The following PID1 variants were observed in gnomAD, a reference collection of about 807,000 sequenced individuals.
PID1 encodes the protein phosphotyrosine interaction domain containing 1.
Under a neutral mutation model 19.1 loss-of-function variants are expected in PID1, and 10 were observed. The observed-to-expected ratio is 0.52, with a 90% CI of 0.32 to 0.89. PID1 has a LOEUF of 0.89. Ranked by LOEUF, PID1 falls within the 40% of genes least tolerant of loss-of-function variation. PID1 has a pLI of 0.03. For missense variants in PID1, 248 were observed against 285.3 expected (o/e 0.87, Z 0.94); for synonymous variants, 130 against 116.0 (o/e 1.12, Z -0.78).
chr2:229,137,928 G>A (rs945608365), intron 2 of PID1, among the ~76,000 whole-genome samples: 2 of 152,100 alleles, frequency 1.3e-5, no homozygotes, highest in Admixed American at 6.6e-5. Flanking sequence ...TAAACCCATC[G>A]ACAGTTCCCT....
chr2:229,157,489 C>G (rs13024189), intron 1 of PID1, among the ~76,000 whole-genome samples: 55,458 of 151,396 alleles, frequency 0.37, 10,552 homozygotes, highest in African/African-American at 0.43. Flanking sequence ...TAAGGAAAGT[C>G]TGATGGGACA....
intron 1 of PID1, among the ~76,000 whole-genome samples, chr2:229,231,005 T>A (rs1403418058): frequency 1.3e-5 from 2 of 152,184 alleles, no homozygotes; most frequent in Non-Finnish European, 2.9e-5. Flanking sequence ...CTCCTCTTAC[T>A]TTTTTAATGG....
intron 1 of PID1, among the ~76,000 whole-genome samples, chr2:229,226,216 G>C (rs1031707209): frequency 6.6e-6 from 1 of 152,130 alleles, no homozygotes; most frequent in Non-Finnish European, 1.5e-5. Flanking sequence ...AGTAGTATGA[G>C]TCTGACACTT....
At chr2:229,086,939 T>C (rs200046313) in intron 2 of PID1, among the ~76,000 whole-genome samples, 2 of 69,412 alleles carry the variant, frequency 2.9e-5, no homozygotes, top group Non-Finnish European at 6.8e-5. Context: ...ACACACACAC[T>C]GAGAAGGCAG....
intron 2 of PID1, among the ~76,000 whole-genome samples, chr2:229,060,251 C>T (rs370228032): frequency 3.9e-4 from 60 of 152,202 alleles, no homozygotes; most frequent in African/African-American, 1.4e-3. Flanking sequence ...ATGTGGTACC[C>T]TTTGATGAAT....
intron 1 of PID1, among the ~76,000 whole-genome samples, chr2:229,195,357 A>C (rs1035388738): frequency 1.3e-5 from 2 of 151,912 alleles, no homozygotes; most frequent in Admixed American, 1.3e-4. Context: ...ACACACATGC[A>C]CATACACACA....
intron 1 of PID1, among the ~76,000 whole-genome samples, chr2:229,236,987 T>TACACACACACACACACAC (rs201772514): frequency 9.3e-6 from 1 of 107,780 alleles, no homozygotes; most frequent in Non-Finnish European, 2.0e-5. Flanking sequence ...TACACACACA[T>TACACACACACACACACAC]ACACACACAC....
chr2:229,111,936 G>A (rs1695306247), intron 2 of PID1, among the ~76,000 whole-genome samples: 1 of 152,188 alleles, frequency 6.6e-6, no homozygotes, highest in Non-Finnish European at 1.5e-5. Flanking sequence ...CACGAAAAGA[G>A]AAAGGCTGGC....
chr2:229,038,792 T>C (rs745648120), intron 2 of PID1, among the ~76,000 whole-genome samples: 15 of 152,010 alleles, frequency 9.9e-5, no homozygotes, highest in Non-Finnish European at 2.2e-4. Flanking sequence ...GAAAGGGAGG[T>C]AACCCTAGAG....
At chr2:229,193,399 G>C (rs182240294) in intron 1 of PID1, among the ~76,000 whole-genome samples, 8 of 152,270 alleles carry the variant, frequency 5.3e-5, no homozygotes, top group Admixed American at 1.3e-4. Flanking sequence ...TCTAAGGCTT[G>C]TTCTGAGCTA....
intron 1 of PID1, among the ~76,000 whole-genome samples, chr2:229,267,921 C>T (rs1690634306): frequency 6.6e-6 from 1 of 151,606 alleles, no homozygotes; most frequent in African/African-American, 2.4e-5. Flanking sequence ...CTCCTCAATA[C>T]CTCCAAGAAA....
chr2:229,036,767 A>C (rs1175788243), intron 2 of PID1, among the ~76,000 whole-genome samples: 2 of 152,106 alleles, frequency 1.3e-5, no homozygotes, highest in Non-Finnish European at 2.9e-5. Context: ...AAACACAACA[A>C]AACAAAAAAA....
intron 1 of PID1, among the ~76,000 whole-genome samples, chr2:229,246,824 C>T (rs752081610): frequency 6.6e-6 from 1 of 152,130 alleles, no homozygotes; most frequent in African/African-American, 2.4e-5. Context: ...CTGGGTTGGT[C>T]AGCACAAGAA....
chr2:229,031,424 G>C (rs751604403), intron 2 of PID1, among the ~76,000 whole-genome samples: 71 of 151,830 alleles, frequency 4.7e-4, no homozygotes, highest in South Asian at 8.3e-4. Context: ...GGGTGTGGTG[G>C]TGCACGCCTG....
intron 1 of PID1, among the ~76,000 whole-genome samples, chr2:229,234,827 T>C (rs77264598): frequency 0.15 from 22,555 of 152,036 alleles, 2,084 homozygotes; most frequent in Admixed American, 0.24. Flanking sequence ...CAAGGACCTA[T>C]TGTGAAAGAC....
At chr2:229,188,753 A>AG (rs1559277157) in intron 1 of PID1, among the ~76,000 whole-genome samples, 7 of 151,834 alleles carry the variant, frequency 4.6e-5, no homozygotes, top group African/African-American at 1.7e-4. Flanking sequence ...AAAAAAAAAA[A>AG]AAGAGAGAGA....
At position 229,155,965 on chromosome 2, in the gene PID1, C is replaced by T; in HGVS notation, c.31-1G>A. On this transcript the variant is annotated splice_acceptor_variant, in intron 1 of 2. Transcript: ENST00000392055. LOFTEE classifies it high-confidence loss of function. Reference sequence around the variant, plus strand: ...TAGACTTCAGCATGGTCTGAAAGTGCTGAAAAGCAGAAAAATAAGCCACAT... The same window carrying T: ...TAGACTTCAGCATGGTCTGAAAGTGTTGAAAAGCAGAAAAATAAGCCACAT... 6.2e-7 allele frequency: 1 copy of T among 1,611,420 alleles called. No individual in the cohort carries two copies. Among genetic ancestry groups the T allele is most frequent in the Non-Finnish European group, 8.5e-7 (1 of 1,179,282 alleles).
At chr2:229,098,993 A>C (rs1471421355) in intron 2 of PID1, among the ~76,000 whole-genome samples, 1 of 152,150 alleles carries the variant, frequency 6.6e-6, no homozygotes, top group Non-Finnish European at 1.5e-5. Context: ...TCCTTTTGCC[A>C]GAGCAAACAG....
At chr2:229,080,343 C>A (rs1405666718) in intron 2 of PID1, among the ~76,000 whole-genome samples, 2 of 152,104 alleles carry the variant, frequency 1.3e-5, no homozygotes, top group African/African-American at 2.4e-5. Flanking sequence ...AAATCAGGTA[C>A]CTTTCCCTGA....
Sources: allele counts gnomAD v4.1 joint callset (sites outside exome capture counted in the v4.1 genomes callset), GRCh38; gene constraint gnomAD v4.1.1; transcripts MANE v1.5; gene names NCBI Gene and HGNC (gene_info 2026-07-23, HGNC 2026-07-21).